The following TAFA2 variants were observed in gnomAD, a reference collection of about 807,000 sequenced individuals.
TAFA2 encodes the protein TAFA chemokine like family member 2, also known as chemokine-like protein TAFA-2.
TAFA2 carries 7 observed loss-of-function variants against 18.8 expected under a neutral mutation model. That is an observed-to-expected ratio of 0.37 (90% confidence interval 0.21 to 0.70). The LOEUF (loss-of-function observed/expected upper bound fraction) is 0.70. TAFA2 is among the 30% of genes least tolerant of loss of function. TAFA2 has a pLI of 0.53. For synonymous variants in TAFA2, 60 were observed against 54.2 expected (o/e 1.11, Z -0.47); for missense variants, 122 against 158.1 (o/e 0.77, Z 1.23).
Position 62,201,050 on chromosome 12 carries a change from G to T in TAFA2, c.-130+57713C>A, listed in dbSNP as rs559292542. 7.2e-4 allele frequency among the ~76,000 whole-genome samples: 110 copies of T among 152,156 alleles called. 1 individual carries two copies. The highest frequency in any genetic ancestry group is 2.5e-3 in the African/African-American group (105 of 41,514). ...TGATTTGGCTCTCTGCTTGTCTATT[G>T]TTGCTGTATAGAAATACTTGTGATT... On this transcript the variant is annotated intron_variant, in intron 1 of 5. Transcript: ENST00000551619.
At chr12:61,758,910 G>C (rs1869401556) in intron 2 of TAFA2, among the ~76,000 whole-genome samples, 1 of 151,994 alleles carries the variant, frequency 6.6e-6, no homozygotes, top group Non-Finnish European at 1.5e-5. Flanking sequence ...GGCTTCTTCA[G>C]ATAGTGACAT....
At chr12:61,952,429 T>C (rs976794836) in intron 1 of TAFA2, among the ~76,000 whole-genome samples, 2 of 152,166 alleles carry the variant, frequency 1.3e-5, no homozygotes, top group African/African-American at 4.8e-5. Context: ...AGTTTTTATA[T>C]TTTTATTCCC....
chr12:62,176,366 A>G (rs944791391), intron 1 of TAFA2, among the ~76,000 whole-genome samples: 3 of 152,190 alleles, frequency 2.0e-5, no homozygotes, highest in Non-Finnish European at 4.4e-5. Context: ...TACAAATGCA[A>G]CTGAGTTCTG....
At chr12:61,918,726 C>A (rs1353274296) in intron 1 of TAFA2, among the ~76,000 whole-genome samples, 1 of 152,046 alleles carries the variant, frequency 6.6e-6, no homozygotes, top group Non-Finnish European at 1.5e-5. Flanking sequence ...TTTTGAGGAA[C>A]CTCCAAAATG....
At chr12:62,033,355 C>A (rs1242841689) in intron 1 of TAFA2, among the ~76,000 whole-genome samples, 1 of 152,098 alleles carries the variant, frequency 6.6e-6, no homozygotes, top group Non-Finnish European at 1.5e-5. Flanking sequence ...CTAAAAATGA[C>A]CTTCATTCAA....
At chr12:61,785,615 A>G (rs1870705110) in intron 2 of TAFA2, among the ~76,000 whole-genome samples, 1 of 151,558 alleles carries the variant, frequency 6.6e-6, no homozygotes, top group South Asian at 2.1e-4. Flanking sequence ...CTCTGCAGAT[A>G]CCTATCCTGC....
chr12:61,852,402 A>G (rs1240000256), intron 2 of TAFA2, among the ~76,000 whole-genome samples: 1 of 152,134 alleles, frequency 6.6e-6, no homozygotes, highest in Non-Finnish European at 1.5e-5. Flanking sequence ...TGAGCTGTGG[A>G]TAGGAAAAAA....
intron 1 of TAFA2, among the ~76,000 whole-genome samples, chr12:61,888,201 A>G (rs1875474863): frequency 6.6e-6 from 1 of 152,160 alleles, no homozygotes; most frequent in South Asian, 2.1e-4. Flanking sequence ...AACTAGAAAT[A>G]CCATTTGACC....
At chr12:62,050,599 T>C (rs1003235761) in intron 1 of TAFA2, among the ~76,000 whole-genome samples, 6 of 152,094 alleles carry the variant, frequency 3.9e-5, no homozygotes, top group Non-Finnish European at 7.4e-5. Flanking sequence ...TTACAAACTT[T>C]ACACAGCTCC....
chr12:61,757,822 A>G (rs993027744), intron 2 of TAFA2, among the ~76,000 whole-genome samples: 4 of 152,088 alleles, frequency 2.6e-5, no homozygotes, highest in Admixed American at 2.0e-4. Context: ...CAATTAAAAG[A>G]AGAGAAATAA....
At position 62,179,558 on chromosome 12, in the gene TAFA2, T is replaced by C. The variant is rs556520606; in HGVS notation, c.-2+11701A>G. Among the ~76,000 whole-genome samples the C allele has an allele frequency of 9.2e-5, 14 of 152,288 alleles. No homozygotes were observed. The East Asian group carries it at 1.9e-3, about 21-fold the overall frequency. On this transcript the variant is annotated intron_variant, in intron 1 of 4. Transcript: ENST00000416284. The stretch of plus-strand genomic sequence containing the variant: ...ATAAACAACCTTGACAGAAATTTCT[T>C]GTTCCTGAATAGAGGTTTTACAAGA...
At chr12:61,940,921 T>A (rs1489257535) in intron 1 of TAFA2, among the ~76,000 whole-genome samples, 1 of 152,168 alleles carries the variant, frequency 6.6e-6, no homozygotes, top group Non-Finnish European at 1.5e-5. Flanking sequence ...TACTAGATTA[T>A]CCAAGATAGG....
At chr12:62,014,200 G>A (rs562021079) in intron 1 of TAFA2, among the ~76,000 whole-genome samples, 15 of 152,266 alleles carry the variant, frequency 9.9e-5, no homozygotes, top group Non-Finnish European at 2.1e-4. Context: ...ACATCCTCAA[G>A]AATACAGGGT....
intron 1 of TAFA2, among the ~76,000 whole-genome samples, chr12:62,100,891 T>C (rs542607221): frequency 1.3e-5 from 2 of 152,220 alleles, no homozygotes; most frequent in South Asian, 4.1e-4. Context: ...GGCACAGAAA[T>C]TGAGGAAACT....
chr12:62,151,512 A>G (rs2062328202), intron 1 of TAFA2, among the ~76,000 whole-genome samples: 1 of 152,240 alleles, frequency 6.6e-6, no homozygotes, highest in African/African-American at 2.4e-5. Flanking sequence ...CATTTGCAGT[A>G]GCTGATGTTT....
chr12:61,965,398 C>T (rs1384672664), intron 1 of TAFA2, among the ~76,000 whole-genome samples: 2 of 151,880 alleles, frequency 1.3e-5, no homozygotes, highest in African/African-American at 4.8e-5. Context: ...TTATAAGCTA[C>T]CCAGCCACGA....
chr12:61,929,921 T>C (rs1404279307), intron 1 of TAFA2, among the ~76,000 whole-genome samples: 1 of 150,500 alleles, frequency 6.6e-6, no homozygotes, highest in African/African-American at 2.5e-5. Flanking sequence ...AGCCAAACAC[T>C]GCATGTTCTC....
At chr12:61,983,306 A>G (rs1879701832) in intron 1 of TAFA2, among the ~76,000 whole-genome samples, 1 of 152,210 alleles carries the variant, frequency 6.6e-6, no homozygotes, top group Admixed American at 6.5e-5. Flanking sequence ...CACAGAATGA[A>G]ACACTTTCTA....
At chr12:62,241,867 A>G (rs141605003) in intron 1 of TAFA2, among the ~76,000 whole-genome samples, 818 of 152,326 alleles carry the variant, frequency 5.4e-3, no homozygotes, top group South Asian at 0.013. Flanking sequence ...ACAAATATTT[A>G]TTGAATACCC....
Sources: gnomAD v4.1 joint callset for allele counts (sites outside exome capture counted in the v4.1 genomes callset) on GRCh38, gnomAD v4.1.1 for gene constraint, MANE v1.5 for transcripts, NCBI Gene and HGNC (gene_info 2026-07-23, HGNC 2026-07-21) for gene names.